SRP68: variants seen among roughly 807,000 people sequenced by gnomAD.
SRP68 encodes the protein signal recognition particle 68.
In SRP68, 15 loss-of-function variants were observed where a neutral mutation model predicts 82.2. The ratio of observed to expected loss-of-function variants is 0.18; its 90% CI spans 0.12 to 0.28. SRP68 has a LOEUF of 0.28. SRP68 is among the 10% of genes least tolerant of loss of function. The pLI, the probability that SRP68 is intolerant of heterozygous loss-of-function variation, is 1.00. For missense variants in SRP68, 595 were observed against 780.5 expected (o/e 0.76, Z 2.83); for synonymous variants, 261 against 292.6 (o/e 0.89, Z 1.10).
At chr17:76,053,697 C>A (rs573594682) in intron 8 of SRP68, 2 of 958,912 alleles carry the variant, frequency 2.1e-6, no homozygotes, top group African/African-American at 3.5e-5. Context: ...GTTTTTCTTA[C>A]GACGCCCACA....
At position 76,064,030 on chromosome 17, in the gene SRP68, C is replaced by T. The variant is rs1255200526; in HGVS notation, c.507G>A (p.Leu169=). 2 of 1,614,226 alleles carry T rather than the reference C, an allele frequency of 1.2e-6. No homozygotes were observed. Among genetic ancestry groups the T allele is most frequent in the East Asian group, 4.5e-5 (2 of 44,888 alleles). ...LRKAVKHAEE[L]ERLCESNRVD... is the part of the protein sequence containing the mutation. ...CGCGATTGCTCTCACACAAGCGTTC[C>T]AATTCCTCTGCATGCTTCACGGCTT... is the stretch of plus-strand genomic sequence containing the variant. The change falls in exon 4 of 16, where the codon TTG becomes TTA. Residue 169 remains leucine (L), a synonymous_variant. Transcript: ENST00000307877.
intron 8 of SRP68, among the ~76,000 whole-genome samples, chr17:76,052,317 C>T (rs914211200): frequency 6.6e-5 from 10 of 152,208 alleles, no homozygotes; most frequent in South Asian, 2.1e-4. Flanking sequence ...AGAATCACTT[C>T]GTCAACCTTA....
At chr17:76,063,876 T>G in intron 4 of SRP68, 100 bp downstream of exon 4, 1 of 1,083,664 alleles carries the variant, frequency 9.2e-7, no homozygotes, top group South Asian at 1.9e-5. Flanking sequence ...CTCTTCTGAC[T>G]GTCACTTTCT....
At chr17:76,042,670 T>C (rs8068389) in intron 13 of SRP68, among the ~76,000 whole-genome samples, 84,238 of 152,032 alleles carry the variant, frequency 0.55, 26,727 homozygotes, top group African/African-American at 0.88. Context: ...CTGCAACCTC[T>C]GCCTCCCAGA....
intron 9 of SRP68, chr17:76,049,615 G>A (rs1329352990): frequency 1.3e-5 from 2 of 152,146 alleles, no homozygotes; most frequent in Non-Finnish European, 2.9e-5. Context: ...TCTAAGTAGG[G>A]CGCATAAAAC....
chr17:76,062,880 C>T (rs2066778231), intron 4 of SRP68, among the ~76,000 whole-genome samples: 1 of 146,086 alleles, frequency 6.8e-6, no homozygotes, highest in Admixed American at 7.3e-5. Flanking sequence ...ACACCATTCT[C>T]CTGCCTCTGC....
intron 4 of SRP68, 34 bp from the exon 5 acceptor site, chr17:76,061,608 A>T: frequency 6.4e-7 from 1 of 1,560,172 alleles, no homozygotes; most frequent in Non-Finnish European, 8.8e-7. Flanking sequence ...AACTGCTTCA[A>T]CAGCAAACCA....
chr17:76,043,423 G>A (rs1485057085), intron 13 of SRP68: 1 of 153,230 alleles, frequency 6.5e-6, no homozygotes, highest in Non-Finnish European at 1.5e-5. Context: ...AATCACTAAG[G>A]GGCCTTTCTA....
intron 7 of SRP68, among the ~76,000 whole-genome samples, chr17:76,059,758 C>CT (rs1434515244): frequency 7.6e-6 from 1 of 132,114 alleles, no homozygotes; most frequent in African/African-American, 3.0e-5. Flanking sequence ...CGCCACTGCA[C>CT]TTTAGCCTGA....
intron 8 of SRP68, among the ~76,000 whole-genome samples, chr17:76,054,987 G>A (rs1260629254): frequency 1.3e-5 from 2 of 151,168 alleles, no homozygotes; most frequent in African/African-American, 2.4e-5. Flanking sequence ...ACAAAGTCTC[G>A]CTCTTATCCC....
At chr17:76,048,179 CAAAT>C in intron 9 of SRP68, 2 of 279,122 alleles carry the variant, frequency 7.2e-6, no homozygotes, top group Middle Eastern at 1.1e-3. Context: ...AAATTGACCT[CAAAT>C]AAGAGAACTG....
At chr17:76,064,880 G>A (rs1235393288) in intron 3 of SRP68, among the ~76,000 whole-genome samples, 1 of 151,294 alleles carries the variant, frequency 6.6e-6, no homozygotes, top group Non-Finnish European at 1.5e-5. Flanking sequence ...TATTAAAGTG[G>A]TGATAAACAA....
intron 9 of SRP68, 39 bp downstream of exon 9, chr17:76,050,389 C>G (rs370457791): frequency 1.4e-6 from 2 of 1,469,216 alleles, no homozygotes; most frequent in Non-Finnish European, 1.9e-6. Context: ...GACCTGGACC[C>G]GCCCAGAGCA....
chr17:76,042,535 T>TA (rs59216233), intron 13 of SRP68, among the ~76,000 whole-genome samples: 293 of 129,814 alleles, frequency 2.3e-3, no homozygotes, highest in East Asian at 4.5e-3. Context: ...GACTCCATCT[T>TA]AAAAAAAAAA....
chr17:76,072,049 G>T lies in SRP68; in HGVS notation c.184+259C>A, dbSNP rs2066856815. The T allele has an allele frequency of 3.3e-6, 2 of 612,764 alleles. No individual in the cohort carries two copies. Among genetic ancestry groups the T allele is most frequent in the Admixed American group, 3.6e-5 (1 of 27,798 alleles). 38.0% of individuals were successfully genotyped at this position (612,764 alleles called of 1,614,324 possible). A position where few individuals can be genotyped will look rare whatever the true frequency, so the allele number is the denominator to read the frequency against. On this transcript the variant is annotated intron_variant, in intron 1 of 15. Coordinates refer to ENST00000307877, the MANE Select transcript of SRP68 (RefSeq NM_014230.4). This position sits in a 1 kb window ranked among gnomAD's most constrained non-coding sequence, Gnocchi z 4.5. ...AGCCCTCCAACTGGACAACTGCGGG[G>T]CACCAGGGGAAACCTGCCTGATATC...
chr17:76,058,922 GCAGCCATCAAA>G (rs2144511454), intron 7 of SRP68, among the ~76,000 whole-genome samples: 1 of 152,318 alleles, frequency 6.6e-6, no homozygotes, highest in East Asian at 1.9e-4. Context: ...GGAGTACCAT[GCAGCCATCAAA>G]GGATGATGGT....
At chr17:76,059,701 C>T (rs978526310) in intron 7 of SRP68, among the ~76,000 whole-genome samples, 4 of 150,574 alleles carry the variant, frequency 2.7e-5, no homozygotes, top group Non-Finnish European at 4.4e-5. Flanking sequence ...AATCCCAGAA[C>T]GCTGGGAGGC....
At chr17:76,062,560 T>G (rs1225222782) in intron 4 of SRP68, among the ~76,000 whole-genome samples, 2 of 87,168 alleles carry the variant, frequency 2.3e-5, no homozygotes, top group African/African-American at 5.2e-5. Flanking sequence ...TAATATACAT[T>G]ATATATTATA....
At position 76,043,915 on chromosome 17, in the gene SRP68, T is replaced by C. The variant is rs1295762372; in HGVS notation, c.1438A>G (p.Ser480Gly). Residue 480 changes from serine to glycine, a missense_variant, in exon 13 of 16, where the codon AGC (serine) becomes GGC (glycine). This residue lies in a region of SRP68 where 495 missense variants were observed against 688.6 expected (regional missense o/e 0.72). Coordinates refer to ENST00000307877, the MANE Select transcript of SRP68 (RefSeq NM_014230.4). ...AQSYVLVKKW[S>G]EALVLYDRVL... is the part of the protein sequence containing the mutation. ...CTGTCATACAGGACAAGGGCTTCGC[T>C]CCACTTCTTCACCAGCACATAGGAC... is the stretch of plus-strand genomic sequence containing the variant. The C allele has an allele frequency of 2.5e-6, 4 of 1,610,936 alleles. No individual in the cohort carries two copies. Among genetic ancestry groups the C allele is most frequent in the Non-Finnish European group, 2.5e-6 (3 of 1,179,154 alleles).
Sources: gnomAD v4.1 joint callset for allele counts (sites outside exome capture counted in the v4.1 genomes callset) on GRCh38, gnomAD v4.1.1 for gene constraint, gnomAD v4.1.1 regional missense constraint, Gnocchi (gnomAD v3.1) non-coding constraint, MANE v1.5 for transcripts, NCBI Gene and HGNC (gene_info 2026-07-23, HGNC 2026-07-21) for gene names.